ANKS1B: variants seen among roughly 807,000 people sequenced by gnomAD.
ANKS1B encodes ankyrin repeat and sterile alpha motif domain containing 1B.
A neutral mutation model predicts 148.3 loss-of-function variants in ANKS1B; 36 were observed. The ratio of observed to expected loss-of-function variants is 0.24; its 90% CI spans 0.19 to 0.32. The LOEUF (loss-of-function observed/expected upper bound fraction) is 0.32. ANKS1B is among the 10% of genes least tolerant of loss of function. The pLI is 1.00. For synonymous variants in ANKS1B, 542 were observed against 560.8 expected (o/e 0.97, Z 0.47); for missense variants, 1,157 against 1,542.6 (o/e 0.75, Z 4.19).
At chr12:99,141,572 C>G (rs116939269) in intron 15 of ANKS1B, among the ~76,000 whole-genome samples, 1 of 151,622 alleles carries the variant, frequency 6.6e-6, no homozygotes, top group Non-Finnish European at 1.5e-5. Context: ...CTGATGCTCT[C>G]CCTCCCCCAA....
chr12:99,710,101 A>C (rs946843723), intron 8 of ANKS1B, among the ~76,000 whole-genome samples: 1 of 152,164 alleles, frequency 6.6e-6, no homozygotes, highest in Non-Finnish European at 1.5e-5. Flanking sequence ...ACTGAGATCT[A>C]ATTTTCCAGC....
chr12:99,409,500 G>A (rs1033450643), intron 11 of ANKS1B, among the ~76,000 whole-genome samples: 22 of 151,896 alleles, frequency 1.4e-4, no homozygotes, highest in South Asian at 4.2e-4. Flanking sequence ...AACTAAAACC[G>A]TATAACTGAA....
At position 99,659,867 on chromosome 12, in the gene ANKS1B, T is replaced by A. The variant is rs191362785; in HGVS notation, c.1129-4657A>T. ...CAGATTATAATCCAAGCCCTCTAAA[T>A]CTAGGTCCTATTGTCTTTCTACCAC... is the stretch of plus-strand genomic sequence containing the variant. On this transcript the variant is annotated intron_variant, in intron 8 of 26. Coordinates refer to ENST00000683438, the MANE Select transcript of ANKS1B (RefSeq NM_001352186.2). Among the ~76,000 whole-genome samples, 4 of 152,270 alleles carry A rather than the reference T, an allele frequency of 2.6e-5. No homozygotes were observed. The East Asian group carries it at 7.7e-4, about 29-fold the overall frequency.
At chr12:99,522,365 T>C (rs1041370114) in intron 9 of ANKS1B, among the ~76,000 whole-genome samples, 1 of 152,194 alleles carries the variant, frequency 6.6e-6, no homozygotes, top group Non-Finnish European at 1.5e-5. Context: ...TTATCCTACC[T>C]GCTACTGTCA....
chr12:99,316,013 T>C (rs1445728861), intron 12 of ANKS1B, among the ~76,000 whole-genome samples: 1 of 152,224 alleles, frequency 6.6e-6, no homozygotes, highest in African/African-American at 2.4e-5. Context: ...TCATTTTTTA[T>C]GGCTGCACAG....
Position 99,930,301 on chromosome 12 carries a change from T to C in ANKS1B, c.134+53803A>G, listed in dbSNP as rs796270206. Among the ~76,000 whole-genome samples, 199 of 152,154 alleles carry C rather than the reference T, an allele frequency of 1.3e-3. 1 individual carries two copies. The highest frequency in any genetic ancestry group is 4.5e-3 in the African/African-American group (188 of 41,512). On this transcript the variant is annotated intron_variant, in intron 1 of 26. Coordinates refer to ENST00000683438, the MANE Select transcript of ANKS1B (RefSeq NM_001352186.2). ...CACTCATGATTTGGCTCTCTGTTTG[T>C]CTGTTATTGGTGTATAAGAATGCTT...
rs771389611 is a variant in ANKS1B, at chr12:99,246,637, T to C, written c.1984A>G (p.Lys662Glu). The C allele has an allele frequency of 5.0e-6, 8 of 1,613,588 alleles. No individual in the cohort carries two copies. The highest frequency in any genetic ancestry group is 1.7e-5 in the Admixed American group (1 of 59,868). Reference protein sequence around the residue: ...PIENNSEPLVKKIKPKVVSRT... With the variant: ...PIENNSEPLVEKIKPKVVSRT... The stretch of plus-strand genomic sequence containing the variant: ...CTGACCACTTTGGGTTTAATTTTCT[T>C]TACCAAAGGTTCTGAGTTATTTTCT... The change falls in exon 13 of 27, where the codon AAG becomes GAG. Residue 662 changes from lysine to glutamate, a missense_variant. Physicochemically the swap from Lys to Glu is moderately conservative, Grantham distance 56. Coordinates refer to ENST00000683438, the MANE Select transcript of ANKS1B (RefSeq NM_001352186.2).
intron 9 of ANKS1B, among the ~76,000 whole-genome samples, chr12:99,609,438 G>T (rs1482844204): frequency 6.6e-6 from 1 of 151,728 alleles, no homozygotes; most frequent in East Asian, 1.9e-4. Flanking sequence ...CAAAGACTCA[G>T]AACCACTCCC....
At position 99,777,036 on chromosome 12, in the gene ANKS1B, T is replaced by C. The variant is rs527848446; in HGVS notation, c.848-1375A>G. 3.2e-4 allele frequency among the ~76,000 whole-genome samples: 49 copies of C among 152,310 alleles called. No homozygotes were observed. The South Asian group carries it at 5.0e-3, about 15-fold the overall frequency. Reference sequence around the variant, plus strand: ...TAATTCAATTTTTATGGAAACACAATGTGGGCTCAAAATATGTGATATATA... The same window carrying C: ...TAATTCAATTTTTATGGAAACACAACGTGGGCTCAAAATATGTGATATATA... On this transcript the variant is annotated intron_variant, in intron 6 of 26. Transcript: ENST00000683438.
intron 15 of ANKS1B, among the ~76,000 whole-genome samples, chr12:99,088,994 C>T (rs1599741258): frequency 2.0e-5 from 3 of 151,560 alleles, no homozygotes; most frequent in Non-Finnish European, 4.4e-5. Context: ...TACAGGTGCC[C>T]GTCACCATGC....
chr12:98,989,468 G>A (rs1031197913), intron 17 of ANKS1B, among the ~76,000 whole-genome samples: 9 of 152,106 alleles, frequency 5.9e-5, no homozygotes, highest in Non-Finnish European at 1.3e-4. Context: ...ATTGGTTTAC[G>A]TGTCTATTTT....
At chr12:98,758,530 C>T (rs761249664) in intron 25 of ANKS1B, among the ~76,000 whole-genome samples, 1 of 152,140 alleles carries the variant, frequency 6.6e-6, no homozygotes, top group Non-Finnish European at 1.5e-5. Flanking sequence ...GCCTCCAGGC[C>T]GGGGGTGTAC....
chr12:99,883,609 CT>C (rs200892293), intron 1 of ANKS1B, among the ~76,000 whole-genome samples: 25,328 of 143,854 alleles, frequency 0.18, 2,649 homozygotes, highest in Non-Finnish European at 0.24. Context: ...AAGGCATAGA[CT>C]TGGGGCAGGG....
chr12:98,925,568 T>A (rs1020660028), intron 17 of ANKS1B, among the ~76,000 whole-genome samples: 12 of 152,200 alleles, frequency 7.9e-5, no homozygotes, highest in Non-Finnish European at 1.2e-4. Context: ...TTTACTTTTT[T>A]AAAAAATGGC....
chr12:99,019,204 T>C (rs1174003751), intron 17 of ANKS1B, among the ~76,000 whole-genome samples: 1 of 152,218 alleles, frequency 6.6e-6, no homozygotes. Flanking sequence ...AAAGATTTGA[T>C]CATTTTTTAA....
At chr12:99,875,108 C>T (rs1164441833) in intron 1 of ANKS1B, among the ~76,000 whole-genome samples, 1 of 152,098 alleles carries the variant, frequency 6.6e-6, no homozygotes. Flanking sequence ...CCTAAAGAGA[C>T]TATTTTAAAG....
At chr12:99,842,124 C>T (rs996511756) in intron 1 of ANKS1B, among the ~76,000 whole-genome samples, 1 of 151,898 alleles carries the variant, frequency 6.6e-6, no homozygotes, top group Non-Finnish European at 1.5e-5. Flanking sequence ...GAGGTTTTGC[C>T]CACATGACTT....
At chr12:99,205,200 G>A (rs569948891) in intron 14 of ANKS1B, among the ~76,000 whole-genome samples, 1 of 152,164 alleles carries the variant, frequency 6.6e-6, no homozygotes, top group African/African-American at 2.4e-5. Flanking sequence ...AAACAAGCCA[G>A]TTTTAGCTGG....
intron 17 of ANKS1B, among the ~76,000 whole-genome samples, chr12:98,962,451 A>G (rs1376398448): frequency 6.6e-6 from 1 of 151,186 alleles, no homozygotes; most frequent in Non-Finnish European, 1.5e-5. Flanking sequence ...AGGTATATAA[A>G]GCAAAAATTA....
Sources: gnomAD v4.1 joint callset for allele counts (sites outside exome capture counted in the v4.1 genomes callset) on GRCh38, gnomAD v4.1.1 for gene constraint, MANE v1.5 for transcripts, NCBI Gene and HGNC (gene_info 2026-07-23, HGNC 2026-07-21) for gene names.